Variants in SORCS1 observed in about 807,000 individuals in gnomAD.
SORCS1 encodes the protein VPS10 domain-containing receptor SorCS1.
In SORCS1, 60 loss-of-function variants were observed where a neutral mutation model predicts 146.1. That is an observed-to-expected ratio of 0.41 (90% CI 0.33 to 0.51). The LOEUF (loss-of-function observed/expected upper bound fraction) is 0.51, where lower values mean the gene tolerates loss of function less well. Among genes scored for constraint, SORCS1 ranks in the 20% least tolerant of loss-of-function variants. The pLI is 0.21. For missense variants in SORCS1, 1,352 were observed against 1,487.6 expected (o/e 0.91, Z 1.50); for synonymous variants, 637 against 584.0 (o/e 1.09, Z -1.31).
At chr10:106,995,547 C>T (rs1225360990) in intron 1 of SORCS1, among the ~76,000 whole-genome samples, 4 of 152,206 alleles carry the variant, frequency 2.6e-5, no homozygotes, top group Non-Finnish European at 4.4e-5. Context: ...AAACGTCCTG[C>T]GTGGCTGTGG....
In SORCS1 at chr10:106,879,074, C is replaced by T. The variant is rs560755969; in HGVS notation, c.627-49401G>A. On this transcript the variant is annotated intron_variant, in intron 2 of 25. Coordinates refer to ENST00000263054, the MANE Select transcript of SORCS1 (RefSeq NM_052918.5). ...CTGAGGCAGGAGAATGGCGTGAACCCGGGAGGCAGAGCTTGCAGTGAGCCA... is the reference window on the plus strand; with the variant it reads ...CTGAGGCAGGAGAATGGCGTGAACCTGGGAGGCAGAGCTTGCAGTGAGCCA... Among the ~76,000 whole-genome samples, 9 of 150,660 alleles carry T rather than the reference C, an allele frequency of 6.0e-5. No individual in the cohort carries two copies. In the South Asian group the frequency reaches 8.4e-4, roughly 14 times the overall value.
At chr10:106,739,061 G>A (rs1857169068) in intron 5 of SORCS1, among the ~76,000 whole-genome samples, 1 of 152,150 alleles carries the variant, frequency 6.6e-6, no homozygotes, top group African/African-American at 2.4e-5. Context: ...GATCAGAAAG[G>A]TTGGGTAAAT....
intron 1 of SORCS1, among the ~76,000 whole-genome samples, chr10:107,114,886 A>G (rs1393314182): frequency 6.6e-6 from 1 of 152,146 alleles, no homozygotes; most frequent in Non-Finnish European, 1.5e-5. Context: ...GTCAGAACTA[A>G]TAAATAAATT....
At chr10:106,762,408 T>TTTTTTTTTTTTTTTA (rs1488828627) in intron 4 of SORCS1, among the ~76,000 whole-genome samples, 1 of 143,500 alleles carries the variant, frequency 7.0e-6, no homozygotes, top group African/African-American at 2.6e-5. Context: ...TTTTTTTTTT[T>TTTTTTTTTTTTTTTA]TTGAGACAGA....
chr10:106,718,202 G>A (rs1005464129), intron 6 of SORCS1, among the ~76,000 whole-genome samples: 4 of 152,176 alleles, frequency 2.6e-5, no homozygotes, highest in Admixed American at 6.5e-5. Context: ...TGTGTTTTGC[G>A]AGAAAGTCCT....
upstream of SORCS1, among the ~76,000 whole-genome samples, chr10:107,167,575 G>T (rs966678795): frequency 2.0e-5 from 3 of 151,942 alleles, no homozygotes; most frequent in Non-Finnish European, 4.4e-5. Flanking sequence ...GCACTGTTCC[G>T]TTCCTTCTCT....
chr10:106,576,525 G>C lies in SORCS1; in HGVS notation c.*895C>G, dbSNP rs1844586354. 1 of 152,256 alleles carries C rather than the reference G, an allele frequency of 6.6e-6. No individual in the cohort carries two copies. The highest frequency in any genetic ancestry group is 6.5e-5 in the Admixed American group (1 of 15,280). 9.4% of individuals were successfully genotyped at this position (152,256 alleles called of 1,614,324 possible). The stretch of plus-strand genomic sequence containing the variant: ...CCTACTGCAGTTGGGGCAGGAGTAG[G>C]GAAAGCTGCAAGGGGAGGCAATCAT... On this transcript the variant is annotated 3_prime_UTR_variant, in exon 26 of 26. Coordinates refer to ENST00000263054, the MANE Select transcript of SORCS1 (RefSeq NM_052918.5).
chr10:106,594,820 C>T (rs1845813568), intron 24 of SORCS1, among the ~76,000 whole-genome samples: 1 of 152,196 alleles, frequency 6.6e-6, no homozygotes, highest in Non-Finnish European at 1.5e-5. Flanking sequence ...GAATATCCGG[C>T]TTAGTTGTTT....
chr10:106,994,194 G>A (rs1028464715), intron 1 of SORCS1, among the ~76,000 whole-genome samples: 1 of 151,796 alleles, frequency 6.6e-6, no homozygotes, highest in Non-Finnish European at 1.5e-5. Context: ...TAGTCCCAAG[G>A]ACTTTCAGGA....
intron 19 of SORCS1, among the ~76,000 whole-genome samples, chr10:106,627,119 C>T (rs572359890): frequency 6.6e-6 from 1 of 152,102 alleles, no homozygotes; most frequent in African/African-American, 2.4e-5. Context: ...GTTTTCCTCT[C>T]CAGGATTTCG....
intron 1 of SORCS1, among the ~76,000 whole-genome samples, chr10:107,085,788 C>T (rs903152181): frequency 6.6e-6 from 1 of 152,156 alleles, no homozygotes. Flanking sequence ...TTTCAACAAC[C>T]ATACAATGAT....
At chr10:106,675,685 A>T (rs2135519635) in intron 13 of SORCS1, among the ~76,000 whole-genome samples, 1 of 152,308 alleles carries the variant, frequency 6.6e-6, no homozygotes, top group South Asian at 2.1e-4. Context: ...TTCAGTCCTG[A>T]TGGTCACTGG....
intron 2 of SORCS1, among the ~76,000 whole-genome samples, chr10:106,837,995 A>T (rs1948853790): frequency 6.6e-6 from 1 of 152,072 alleles, no homozygotes; most frequent in Non-Finnish European, 1.5e-5. Context: ...AACAGGGCTG[A>T]TGTCTGTTTT....
chr10:106,728,249 C>T (rs113977239), intron 6 of SORCS1, among the ~76,000 whole-genome samples: 2,083 of 152,192 alleles, frequency 0.014, 48 homozygotes, highest in African/African-American at 0.048. Context: ...CCAGGATGGT[C>T]TCTATCTCCA....
At chr10:106,984,447 G>C (rs1589850989) in intron 1 of SORCS1, among the ~76,000 whole-genome samples, 1 of 147,082 alleles carries the variant, frequency 6.8e-6, no homozygotes, top group East Asian at 2.0e-4. Context: ...AGGCTAGAGT[G>C]CAGTGGTGCG....
upstream of SORCS1, among the ~76,000 whole-genome samples, chr10:107,169,392 T>C (rs1970112100): frequency 6.6e-6 from 1 of 152,178 alleles, no homozygotes; most frequent in Non-Finnish European, 1.5e-5. Context: ...CTTAAAATAC[T>C]TTCAGGTATC....
At chr10:107,051,062 AC>A (rs1427548781) in intron 1 of SORCS1, among the ~76,000 whole-genome samples, 1 of 151,880 alleles carries the variant, frequency 6.6e-6, no homozygotes, top group African/African-American at 2.4e-5. Flanking sequence ...ACAATTGAAC[AC>A]CTACAATGGA....
At chr10:107,078,166 G>A (rs1363049375) in intron 1 of SORCS1, among the ~76,000 whole-genome samples, 1 of 152,064 alleles carries the variant, frequency 6.6e-6, no homozygotes, top group Admixed American at 6.6e-5. Flanking sequence ...GGGACAGTGG[G>A]TCTATTTTCA....
chr10:106,794,501 CTT>C (rs35647552), intron 3 of SORCS1, among the ~76,000 whole-genome samples: 234 of 126,040 alleles, frequency 1.9e-3, no homozygotes, highest in African/African-American at 5.5e-3. Context: ...TTTTCTTTTT[CTT>C]TTTTTTTTTT....
Sources: allele counts gnomAD v4.1 joint callset (sites outside exome capture counted in the v4.1 genomes callset), GRCh38; gene constraint gnomAD v4.1.1; transcripts MANE v1.5; gene names NCBI Gene and HGNC (gene_info 2026-07-23, HGNC 2026-07-21).